GARIN2: variants seen among roughly 807,000 people sequenced by gnomAD.
GARIN2 encodes Golgi-associated RAB2 interactor protein 2.
the GARIN2 span, chr14:67,198,323 A>T: frequency 6.2e-7 from 1 of 1,610,846 alleles, no homozygotes. Context: ...TTATCCAGGT[A>T]AATCATATTC....
At chr14:67,219,052 C>T in the GARIN2 span, among the ~76,000 whole-genome samples, 98 of 152,040 alleles carry the variant, frequency 6.4e-4, no homozygotes, top group East Asian at 6.7e-3. Flanking sequence ...GCAGGTTACT[C>T]TCCAGAGGTG....
At chr14:67,197,682 A>T in the GARIN2 span, among the ~76,000 whole-genome samples, 3 of 152,118 alleles carry the variant, frequency 2.0e-5, no homozygotes, top group Non-Finnish European at 4.4e-5. Context: ...TATAGCTTTG[A>T]TACCCTGCTT....
chr14:67,204,854 A>G, the GARIN2 span: 1 of 1,613,858 alleles, frequency 6.2e-7, no homozygotes, highest in African/African-American at 1.3e-5. Context: ...ACAGGCCCTG[A>G]ACATGTCAGG....
chr14:67,215,250 A>C, the GARIN2 span, among the ~76,000 whole-genome samples: 1 of 152,164 alleles, frequency 6.6e-6, no homozygotes, highest in Non-Finnish European at 1.5e-5. Flanking sequence ...GCTCACCAGG[A>C]ATCTTCTAGG....
the GARIN2 span, among the ~76,000 whole-genome samples, chr14:67,194,017 G>A: frequency 6.7e-6 from 1 of 148,592 alleles, no homozygotes; most frequent in South Asian, 2.1e-4. Context: ...AAATCTATTT[G>A]TAAAACTGGA....
At chr14:67,189,922 C>T in the GARIN2 span, among the ~76,000 whole-genome samples, 2 of 144,614 alleles carry the variant, frequency 1.4e-5, no homozygotes, top group African/African-American at 5.2e-5. Flanking sequence ...CTCACCACAA[C>T]CTCTGCCTCC....
At chr14:67,198,016 T>C in the GARIN2 span, 2 of 864,648 alleles carry the variant, frequency 2.3e-6, no homozygotes, top group Non-Finnish European at 3.5e-6. Flanking sequence ...AAGTGCCTGG[T>C]GCAGTGCCAA....
chr14:67,194,100 C>T, the GARIN2 span, among the ~76,000 whole-genome samples: 1 of 151,472 alleles, frequency 6.6e-6, no homozygotes, highest in Admixed American at 6.6e-5. Flanking sequence ...CAGTGACTCA[C>T]ACCTATAATC....
At chr14:67,192,476 G>T in the GARIN2 span, among the ~76,000 whole-genome samples, 1 of 151,812 alleles carries the variant, frequency 6.6e-6, no homozygotes. Flanking sequence ...ATCAGAGGGT[G>T]GGGTCTGAAC....
chr14:67,215,277 C>A, the GARIN2 span, among the ~76,000 whole-genome samples: 1 of 152,070 alleles, frequency 6.6e-6, no homozygotes, highest in Non-Finnish European at 1.5e-5. Flanking sequence ...TCTTCCAGGA[C>A]TAGGAGCTCA....
the GARIN2 span, among the ~76,000 whole-genome samples, chr14:67,215,418 T>TA: frequency 6.6e-6 from 1 of 152,016 alleles, no homozygotes; most frequent in Non-Finnish European, 1.5e-5. Context: ...TTTTTTTTTT[T>TA]ATGATAACCA....
At chr14:67,221,415 G>C in the GARIN2 span, among the ~76,000 whole-genome samples, 1 of 152,106 alleles carries the variant, frequency 6.6e-6, no homozygotes, top group Non-Finnish European at 1.5e-5. Context: ...TATTTACACG[G>C]CTCAGCAGCA....
chr14:67,193,885 C>T, the GARIN2 span, among the ~76,000 whole-genome samples: 1 of 138,788 alleles, frequency 7.2e-6, no homozygotes, highest in Non-Finnish European at 1.5e-5. Context: ...GTTGAGGCTG[C>T]AGTGAGCAAT....
At chr14:67,214,124 A>G in the GARIN2 span, among the ~76,000 whole-genome samples, 1 of 151,816 alleles carries the variant, frequency 6.6e-6, no homozygotes, top group Non-Finnish European at 1.5e-5. Context: ...TTGGCTGTTC[A>G]CTCTGATGTT....
At chr14:67,228,434 G>A in the GARIN2 span, 36 of 311,876 alleles carry the variant, frequency 1.2e-4, no homozygotes, top group Non-Finnish European at 1.7e-4. Flanking sequence ...TTTAAAATCA[G>A]ATACAAACTA....
chr14:67,225,180 C>T, the GARIN2 span: 1 of 1,574,560 alleles, frequency 6.4e-7, no homozygotes. Context: ...TCTGTCTGCC[C>T]CTTTCTCAAG....
the GARIN2 span, among the ~76,000 whole-genome samples, chr14:67,195,489 G>C: frequency 6.6e-6 from 1 of 152,162 alleles, no homozygotes; most frequent in Non-Finnish European, 1.5e-5. Context: ...TGATTAGCAA[G>C]TGTGAACCGT....
chr14:67,195,595 T>C, the GARIN2 span, among the ~76,000 whole-genome samples: 4 of 152,254 alleles, frequency 2.6e-5, no homozygotes, highest in East Asian at 5.8e-4. Context: ...TGAACAAGAG[T>C]TGACTACTGC....
the GARIN2 span, chr14:67,221,931 C>T: frequency 8.4e-7 from 1 of 1,196,094 alleles, no homozygotes; most frequent in Non-Finnish European, 1.2e-6. Context: ...GATGCATTTC[C>T]TTTCTTCACT....
Sources: allele counts gnomAD v4.1 joint callset (sites outside exome capture counted in the v4.1 genomes callset), GRCh38; gene constraint gnomAD v4.1.1; transcripts MANE v1.5; gene names NCBI Gene and HGNC (gene_info 2026-07-23, HGNC 2026-07-21).